The following DMD variants were observed in gnomAD, a reference collection of about 807,000 sequenced individuals.
DMD encodes dystrophin, also known as mutant dystrophin.
DMD carries 63 observed loss-of-function variants against 330.1 expected under a neutral mutation model. The observed-to-expected ratio is 0.19, with a 90% CI of 0.16 to 0.24. The LOEUF is 0.24. Ranked by LOEUF, DMD falls within the 10% of genes least tolerant of loss-of-function variation. The pLI is 1.00. For missense variants in DMD, 3,344 were observed against 2,684.1 expected, an observed-to-expected ratio of 1.25 and a Z score of -5.43; for synonymous variants, 1,223 against 959.8, an observed-to-expected ratio of 1.27 and a Z score of -5.07.
intron 47 of DMD, among the ~76,000 whole-genome samples, chrX:31,924,547 G>A (rs184859866): frequency 1.8e-5 from 2 of 111,961 alleles, no homozygotes; most frequent in East Asian, 5.6e-4. Flanking sequence ...AAGATAGTTT[G>A]TGCTAGGAGT....
At chrX:33,274,656 T>C (rs2053207755) in intron 1 of DMD, among the ~76,000 whole-genome samples, 1 of 111,729 alleles carries the variant, frequency 9.0e-6, no homozygotes, top group African/African-American at 3.3e-5. Context: ...GTTATGTAAA[T>C]ACTGAAATAC....
intron 48 of DMD, among the ~76,000 whole-genome samples, chrX:31,846,693 CTG>C (rs983220368): frequency 3.6e-5 from 4 of 111,305 alleles, no homozygotes; most frequent in African/African-American, 1.3e-4. Flanking sequence ...AAAATTTCAT[CTG>C]TGTTTCTTGT....
At position 32,288,190 on chromosome X, in the gene DMD, C is replaced by T. The variant is rs191358300; in HGVS notation, c.6118-489G>A. 3.0e-4 allele frequency among the ~76,000 whole-genome samples: 33 copies of T among 111,648 alleles called. No individual in the cohort carries two copies. In the South Asian group the frequency reaches 6.1e-3, roughly 20 times the overall value. On this transcript the variant is annotated intron_variant, in intron 42 of 78. Transcript: ENST00000357033. ...AATTTCTCAACACTTGGAGGTCTCA[C>T]GAGACTTTCAAACTTAATATGACGC...
intron 1 of DMD, among the ~76,000 whole-genome samples, chrX:33,304,911 G>A (rs2053730901): frequency 9.5e-6 from 1 of 104,852 alleles, no homozygotes; most frequent in African/African-American, 3.5e-5. Context: ...AAAAAGTCAG[G>A]AAACAACAGG....
At chrX:31,543,121 G>C (rs2073931709) in intron 55 of DMD, among the ~76,000 whole-genome samples, 1 of 107,589 alleles carries the variant, frequency 9.3e-6, no homozygotes, top group Non-Finnish European at 1.9e-5. Flanking sequence ...GCAGATGGAA[G>C]ACCCTTGCTG....
intron 37 of DMD, among the ~76,000 whole-genome samples, chrX:32,353,125 G>A (rs1488756538): frequency 1.8e-5 from 2 of 110,424 alleles, no homozygotes; most frequent in Non-Finnish European, 3.8e-5. Flanking sequence ...TATGTTATTG[G>A]CAAGATAGCA....
intron 43 of DMD, among the ~76,000 whole-genome samples, chrX:32,255,492 G>A (rs1368270755): frequency 4.6e-5 from 5 of 109,452 alleles, no homozygotes; most frequent in Non-Finnish European, 9.5e-5. Context: ...CATATGGCCC[G>A]CAAAGCCTAT....
At chrX:31,997,341 TA>T (rs1254132284) in intron 44 of DMD, among the ~76,000 whole-genome samples, 1 of 110,838 alleles carries the variant, frequency 9.0e-6, no homozygotes. Context: ...AGGGAAGCTT[TA>T]AAAAAATTCC....
At chrX:32,464,345 G>A (rs749700899) in intron 24 of DMD, among the ~76,000 whole-genome samples, 1 of 110,474 alleles carries the variant, frequency 9.1e-6, no homozygotes, top group Non-Finnish European at 1.9e-5. Context: ...TCCTTGTTCT[G>A]GAGGAATGTT....
At chrX:31,285,673 G>T (rs1012036725) in intron 62 of DMD, among the ~76,000 whole-genome samples, 9 of 111,386 alleles carry the variant, frequency 8.1e-5, no homozygotes, top group African/African-American at 2.9e-4. Flanking sequence ...TTTGGATCTT[G>T]TAAGGAGATA....
At chrX:31,383,525 G>T in intron 60 of DMD, among the ~76,000 whole-genome samples, 1 of 112,060 alleles carries the variant, frequency 8.9e-6, no homozygotes, top group Non-Finnish European at 1.9e-5. Context: ...AAGAGGGCGG[G>T]TCTCTGGCAA....
intron 57 of DMD, among the ~76,000 whole-genome samples, chrX:31,484,284 A>G (rs2068618837): frequency 8.9e-6 from 1 of 112,096 alleles, no homozygotes; most frequent in South Asian, 3.7e-4. Context: ...ATTTTAAACC[A>G]GAGAAGTCAG....
At chrX:32,583,011 T>G (rs1328723861) in intron 13 of DMD, among the ~76,000 whole-genome samples, 1 of 111,646 alleles carries the variant, frequency 9.0e-6, no homozygotes, top group Non-Finnish European at 1.9e-5. Flanking sequence ...CTAATCACCA[T>G]CCTAACCCCC....
intron 2 of DMD, among the ~76,000 whole-genome samples, chrX:32,954,272 G>A (rs779116271): frequency 8.9e-6 from 1 of 111,861 alleles, no homozygotes; most frequent in Non-Finnish European, 1.9e-5. Flanking sequence ...GAGATACTTT[G>A]GATTCAAGGA....
intron 17 of DMD, among the ~76,000 whole-genome samples, chrX:32,518,747 G>A (rs1029060979): frequency 8.1e-5 from 9 of 110,694 alleles, no homozygotes; most frequent in African/African-American, 3.0e-4. Context: ...ATGTGAAGAG[G>A]CCACATGAAG....
intron 63 of DMD, among the ~76,000 whole-genome samples, chrX:31,239,853 G>A (rs1483465694): frequency 8.9e-6 from 1 of 111,816 alleles, no homozygotes; most frequent in Non-Finnish European, 1.9e-5. Flanking sequence ...AAGTAAGGAT[G>A]TGAACATTTC....
intron 41 of DMD, among the ~76,000 whole-genome samples, chrX:32,326,228 T>G (rs112613462): frequency 0.025 from 2,805 of 111,888 alleles, 82 homozygotes; most frequent in East Asian, 0.084. Flanking sequence ...CTGCATTCTA[T>G]TCTTCTTTGA....
intron 51 of DMD, among the ~76,000 whole-genome samples, chrX:31,772,865 A>G (rs1434163321): frequency 8.9e-6 from 1 of 111,732 alleles, no homozygotes; most frequent in Non-Finnish European, 1.9e-5. Flanking sequence ...CCATAACTAT[A>G]TTGTGAATGT....
chrX:32,553,495 A>G (rs958103799), intron 16 of DMD, among the ~76,000 whole-genome samples: 4 of 111,047 alleles, frequency 3.6e-5, no homozygotes, highest in Non-Finnish European at 7.5e-5. Context: ...AATAATCTGT[A>G]CAACAAACCC....
Sources: gnomAD v4.1 joint callset for allele counts (sites outside exome capture counted in the v4.1 genomes callset) on GRCh38, gnomAD v4.1.1 for gene constraint, MANE v1.5 for transcripts, NCBI Gene and HGNC (gene_info 2026-07-23, HGNC 2026-07-21) for gene names.